Variants in PSMD14 observed in about 807,000 individuals in gnomAD.
PSMD14 encodes proteasome 26S subunit, non-ATPase 14, also known as ubiquitin C-terminal hydrolase PSMD14.
In PSMD14, 7 loss-of-function variants were observed where a neutral mutation model predicts 41.2. The observed-to-expected ratio is 0.17, with a 90% CI of 0.10 to 0.32. The LOEUF (loss-of-function observed/expected upper bound fraction) is 0.32. Ranked by LOEUF, PSMD14 falls within the 10% of genes least tolerant of loss-of-function variation. The pLI, the probability that PSMD14 is intolerant of heterozygous loss-of-function variation, is 1.00. For synonymous variants in PSMD14, 114 were observed against 122.3 expected, an observed-to-expected ratio of 0.93 and a Z score of 0.45; for missense variants, 139 against 375.6, an observed-to-expected ratio of 0.37 and a Z score of 5.21.
intron 3 of PSMD14, among the ~76,000 whole-genome samples, chr2:161,363,753 T>C (rs1683322551): frequency 6.6e-6 from 1 of 152,178 alleles, no homozygotes; most frequent in African/African-American, 2.4e-5. Context: ...GATTGGGATG[T>C]GGCCTGCTTC....
intron 9 of PSMD14, among the ~76,000 whole-genome samples, chr2:161,392,461 C>T (rs930129862): frequency 6.6e-6 from 1 of 152,142 alleles, no homozygotes; most frequent in African/African-American, 2.4e-5. Context: ...ACGCTTACCC[C>T]CTCTTTCAAC....
intron 5 of PSMD14, among the ~76,000 whole-genome samples, chr2:161,369,534 C>CT: frequency 6.6e-6 from 1 of 152,126 alleles, no homozygotes; most frequent in African/African-American, 2.4e-5. Context: ...TAACTAGTTT[C>CT]TTTAAGTACA....
chr2:161,371,944 CTTTT>C (rs1559049355), intron 7 of PSMD14, among the ~76,000 whole-genome samples: 1 of 151,248 alleles, frequency 6.6e-6, no homozygotes, highest in Non-Finnish European at 1.5e-5. Flanking sequence ...TTCTCTTTCT[CTTTT>C]TTTGTTCATT....
At chr2:161,345,836 A>G (rs993167319) in intron 3 of PSMD14, among the ~76,000 whole-genome samples, 1 of 151,842 alleles carries the variant, frequency 6.6e-6, no homozygotes, top group African/African-American at 2.4e-5. Context: ...TTTTTTCCCC[A>G]ATCATTTTGC....
intron 1 of PSMD14, among the ~76,000 whole-genome samples, chr2:161,312,388 C>T (rs770338100): frequency 7.9e-5 from 12 of 152,002 alleles, no homozygotes; most frequent in Non-Finnish European, 1.6e-4. Flanking sequence ...AAGTGATCTG[C>T]CCCCCTCGGC....
intron 3 of PSMD14, among the ~76,000 whole-genome samples, chr2:161,346,603 T>G (rs191865487): frequency 2.7e-4 from 40 of 150,054 alleles, no homozygotes; most frequent in Admixed American, 2.3e-3. Flanking sequence ...CTTAGAAATA[T>G]TCTTGATATT....
At chr2:161,349,394 G>A (rs1038907194) in intron 3 of PSMD14, among the ~76,000 whole-genome samples, 14 of 152,208 alleles carry the variant, frequency 9.2e-5, no homozygotes, top group Non-Finnish European at 1.8e-4. Flanking sequence ...TGGCATGTTT[G>A]TGGGTGAGAT....
chr2:161,334,028 CA>C (rs1438015466), intron 3 of PSMD14, among the ~76,000 whole-genome samples: 1 of 149,182 alleles, frequency 6.7e-6, no homozygotes, highest in African/African-American at 2.5e-5. Flanking sequence ...GACTCCATCT[CA>C]AAAAGAAACA....
At chr2:161,376,672 G>A (rs1213251109) in intron 7 of PSMD14, among the ~76,000 whole-genome samples, 6 of 151,886 alleles carry the variant, frequency 4.0e-5, no homozygotes, top group African/African-American at 1.4e-4. Context: ...AAAAGGAAGT[G>A]AATATATTAC....
At chr2:161,396,855 TCTCA>T (rs1459425364) in intron 10 of PSMD14, among the ~76,000 whole-genome samples, 2 of 152,136 alleles carry the variant, frequency 1.3e-5, no homozygotes, top group African/African-American at 4.8e-5. Context: ...TGAGATGGAA[TCTCA>T]CTCTGTCACC....
At chr2:161,385,712 ATAC>A (rs1271527910) in intron 8 of PSMD14, 141 bp downstream of exon 8, 6 of 566,834 alleles carry the variant, frequency 1.1e-5, no homozygotes, top group South Asian at 2.8e-5. Flanking sequence ...AATTGTGGAA[ATAC>A]TGTTGTAAAA....
intron 7 of PSMD14, chr2:161,383,357 A>G (rs1180523270): frequency 6.6e-6 from 1 of 152,076 alleles, no homozygotes; most frequent in Non-Finnish European, 1.5e-5. Flanking sequence ...GTCATTTTCT[A>G]TAGGCCATCA....
intron 3 of PSMD14, among the ~76,000 whole-genome samples, chr2:161,322,706 A>G (rs1232051135): frequency 1.3e-5 from 2 of 152,104 alleles, no homozygotes; most frequent in Non-Finnish European, 2.9e-5. Context: ...TGTTTTTTTA[A>G]TGGAGGAATT....
intron 3 of PSMD14, among the ~76,000 whole-genome samples, chr2:161,354,213 G>C (rs1303971369): frequency 1.3e-5 from 2 of 152,054 alleles, no homozygotes; most frequent in Non-Finnish European, 2.9e-5. Flanking sequence ...AGTTTGAACT[G>C]ATCTCCGTGA....
chr2:161,340,397 C>G (rs573673763), intron 3 of PSMD14, among the ~76,000 whole-genome samples: 4 of 152,236 alleles, frequency 2.6e-5, no homozygotes, highest in South Asian at 2.1e-4. Context: ...TCCTCAAAGT[C>G]TTCTGTGGTT....
At chr2:161,406,451 G>T (rs2105273185) in intron 10 of PSMD14, among the ~76,000 whole-genome samples, 1 of 152,288 alleles carries the variant, frequency 6.6e-6, no homozygotes, top group East Asian at 1.9e-4. Flanking sequence ...AAACACAGAA[G>T]TTCCCTAGTG....
chr2:161,340,982 T>C, intron 3 of PSMD14: 1 of 1,612,518 alleles, frequency 6.2e-7, no homozygotes, highest in East Asian at 2.2e-5. Context: ...CCTGCTCCTC[T>C]TCCTGCCTCG....
intron 3 of PSMD14, among the ~76,000 whole-genome samples, chr2:161,360,815 C>A (rs778513579): frequency 6.6e-6 from 1 of 151,976 alleles, no homozygotes; most frequent in African/African-American, 2.4e-5. Context: ...GGATTACAGG[C>A]GTGAGCCACC....
intron 7 of PSMD14, among the ~76,000 whole-genome samples, chr2:161,372,171 A>T (rs1683444433): frequency 6.6e-6 from 1 of 152,076 alleles, no homozygotes; most frequent in Non-Finnish European, 1.5e-5. Flanking sequence ...CTGCTTTAAA[A>T]TACTGCTGAG....
Sources: allele counts gnomAD v4.1 joint callset (sites outside exome capture counted in the v4.1 genomes callset), GRCh38; gene constraint gnomAD v4.1.1; transcripts MANE v1.5; gene names NCBI Gene and HGNC (gene_info 2026-07-23, HGNC 2026-07-21).